CACNA1I: variants seen among roughly 807,000 people sequenced by gnomAD.
The protein encoded by CACNA1I is voltage-dependent T-type calcium channel subunit alpha-1I.
Under a neutral mutation model 201.6 loss-of-function variants are expected in CACNA1I, and 74 were observed. The ratio of observed to expected loss-of-function variants is 0.37; its 90% CI spans 0.30 to 0.45. CACNA1I has a LOEUF of 0.45. Ranked by LOEUF, CACNA1I falls within the 20% of genes least tolerant of loss-of-function variation. CACNA1I has a pLI of 1.00. For missense variants in CACNA1I, 2,346 were observed against 3,138.1 expected, an observed-to-expected ratio of 0.75 and a Z score of 6.03; for synonymous variants, 1,431 against 1,345.2, an observed-to-expected ratio of 1.06 and a Z score of -1.40.
At chr22:39,594,755 G>A (rs921101199) in intron 1 of CACNA1I, among the ~76,000 whole-genome samples, 129 of 152,014 alleles carry the variant, frequency 8.5e-4, no homozygotes, top group African/African-American at 3.0e-3. Context: ...GAGGGGTGAG[G>A]GGTTTGCTTG....
rs1164503423 is a variant in CACNA1I, at chr22:39,661,311, G to A, written c.2901+1G>A. ...GATGAGCTATGACCAGCGCTCCCTG[G>A]TGAGTCCTTGTGGGGAGCTCTGGAC... On this transcript the variant is annotated splice_donor_variant, in intron 16 of 36. Transcript: ENST00000402142. LOFTEE classifies it high-confidence loss of function. 2.6e-6 allele frequency: 4 copies of A among 1,556,416 alleles called. No individual in the cohort carries two copies. The highest frequency in any genetic ancestry group is 1.8e-4 in the Middle Eastern group (1 of 5,656).
chr22:39,596,981 T>C (rs1335336224), intron 1 of CACNA1I, among the ~76,000 whole-genome samples: 1 of 152,170 alleles, frequency 6.6e-6, no homozygotes, highest in African/African-American at 2.4e-5. Context: ...CATCAGCATC[T>C]CTCCTCTTAC....
chr22:39,592,186 G>A (rs769713725), intron 1 of CACNA1I, among the ~76,000 whole-genome samples: 5 of 152,222 alleles, frequency 3.3e-5, no homozygotes, highest in African/African-American at 9.6e-5. Context: ...TGCCTGCCAA[G>A]GAAACTCGAT....
Position 39,684,157 on chromosome 22 carries a change from G to A in CACNA1I, c.5831-145G>A. 1 of 655,520 alleles carries A rather than the reference G, an allele frequency of 1.5e-6. No homozygotes were observed. The highest frequency in any genetic ancestry group is 2.7e-6 in the Non-Finnish European group (1 of 376,212). The allele number at this position is 655,520 out of a possible 1,614,324, so 40.6% of individuals were successfully genotyped here. A position where few individuals can be genotyped will look rare whatever the true frequency, so the allele number is the denominator to read the frequency against. On this transcript the variant is annotated intron_variant, in intron 35 of 36. Transcript: ENST00000402142. The surrounding 1 kb of genome is among the most constrained non-coding windows in gnomAD (Gnocchi z 4.6). ...ATGGGGAAACGAAGGCTTAGAGAGG[G>A]GGGACTTGTCCACAGTCTCACAGTC...
intron 3 of CACNA1I, among the ~76,000 whole-genome samples, chr22:39,601,847 C>CTCCCTCCT (rs1933042624): frequency 7.8e-6 from 1 of 128,306 alleles, no homozygotes; most frequent in Non-Finnish European, 1.6e-5. Context: ...CCCTCCCTCC[C>CTCCCTCCT]TCCCTCCCTC....
chr22:39,661,987 A>G lies in CACNA1I; in HGVS notation c.2924A>G (p.Tyr975Cys). The G allele has an allele frequency of 6.4e-7, 1 of 1,554,362 alleles. No individual in the cohort carries two copies. Among genetic ancestry groups the G allele is most frequent in the Non-Finnish European group, 8.7e-7 (1 of 1,155,644 alleles). The change falls in exon 17 of 37, where the codon TAC (tyrosine) becomes TGC (cysteine). Residue 975 changes from tyrosine (Y) to cysteine (C), a missense_variant. Coordinates refer to ENST00000402142, the MANE Select transcript of CACNA1I (RefSeq NM_021096.4). ...RSLSSSRSSY[Y>C]GPWGRSAAWA... ...CAGTCCAGCTCCCGGAGCTCCTACT[A>G]CGGGCCATGGGGCCGCAGCGCGGCC...
intron 3 of CACNA1I, among the ~76,000 whole-genome samples, chr22:39,613,451 G>T (rs1274804468): frequency 6.6e-6 from 1 of 152,206 alleles, no homozygotes; most frequent in African/African-American, 2.4e-5. Context: ...GTGAGCTGAG[G>T]TAACAGTTGA....
chr22:39,649,175 G>T lies in CACNA1I; in HGVS notation c.1568-326G>T, dbSNP rs578073770. ...TGGGGCTCTGGGTCTGTTCCATGCT[G>T]ACCCAGGGCCTAGGCCAGGAGGGAT... On this transcript the variant is annotated intron_variant, in intron 9 of 36. Transcript: ENST00000402142. The surrounding 1 kb of genome is among the most constrained non-coding windows in gnomAD (Gnocchi z 7.3). Among the ~76,000 whole-genome samples the T allele has an allele frequency of 3.3e-4, 50 of 152,342 alleles. 1 individual carries two copies. The South Asian group carries it at 9.9e-3, about 30-fold the overall frequency.
At chr22:39,582,904 C>T (rs1157872978) in intron 1 of CACNA1I, among the ~76,000 whole-genome samples, 1 of 150,942 alleles carries the variant, frequency 6.6e-6, no homozygotes, top group African/African-American at 2.4e-5. Flanking sequence ...ATCTATCTAA[C>T]CATCCATTCA....
At chr22:39,650,131 C>T (rs1300336427) in intron 10 of CACNA1I, among the ~76,000 whole-genome samples, 1 of 151,946 alleles carries the variant, frequency 6.6e-6, no homozygotes, top group East Asian at 1.9e-4. Context: ...TGGGTGTCTG[C>T]CGAATGAATG....
In CACNA1I at chr22:39,645,449, G is replaced by A. The variant is rs182967831; in HGVS notation, c.1150-1120G>A. Among the ~76,000 whole-genome samples, 430 of 152,282 alleles carry A rather than the reference G, an allele frequency of 2.8e-3. 1 individual carries two copies. Among genetic ancestry groups the A allele is most frequent in the Non-Finnish European group, 5.2e-3 (355 of 68,018 alleles). On this transcript the variant is annotated intron_variant, in intron 7 of 36. Coordinates refer to ENST00000402142, the MANE Select transcript of CACNA1I (RefSeq NM_021096.4). The stretch of plus-strand genomic sequence containing the variant: ...GCCTGACAAGCGTGTGGTCCCAGAG[G>A]GCAGGGCCCAGCTGTCTCTTCCTGT...
At chr22:39,626,331 G>T (rs1179788620) in intron 4 of CACNA1I, among the ~76,000 whole-genome samples, 3 of 152,222 alleles carry the variant, frequency 2.0e-5, no homozygotes, top group Non-Finnish European at 2.9e-5. Context: ...TACGCGATCC[G>T]CAGGTGCTGC....
intron 3 of CACNA1I, among the ~76,000 whole-genome samples, chr22:39,602,006 T>C (rs192159450): frequency 7.1e-3 from 24 of 3,386 alleles, no homozygotes; most frequent in African/African-American, 8.4e-3. Context: ...CCTTCCCTCC[T>C]TCCTTCCTTC....
chr22:39,597,361 A>G (rs1932914805), intron 1 of CACNA1I, among the ~76,000 whole-genome samples: 6 of 151,906 alleles, frequency 3.9e-5, no homozygotes. Flanking sequence ...TTGGCCTGGG[A>G]GGGAGGGAGG....
chr22:39,676,894 G>A lies in CACNA1I; in HGVS notation c.4855-447G>A, dbSNP rs1935527855. On this transcript the variant is annotated intron_variant, in intron 29 of 36. Coordinates refer to ENST00000402142, the MANE Select transcript of CACNA1I (RefSeq NM_021096.4). The surrounding 1 kb of genome is among the most constrained non-coding windows in gnomAD (Gnocchi z 4.8). ...CATTCAACCTTGGTAGCCACTCAAG[G>A]CGTGTAGCATAGATTGTGTGCATGG... Among the ~76,000 whole-genome samples the A allele has an allele frequency of 1.3e-5, 2 of 152,194 alleles. No homozygotes were observed. The highest frequency in any genetic ancestry group is 4.1e-4 in the South Asian group (2 of 4,834).
In CACNA1I at chr22:39,649,520, C is replaced by T. The variant is rs778054426; in HGVS notation, c.1587C>T (p.Ser529=). The change falls in exon 10 of 37, where the codon AGC becomes AGT. Residue 529 remains serine (S), a synonymous_variant. Coordinates refer to ENST00000402142, the MANE Select transcript of CACNA1I (RefSeq NM_021096.4). This position sits in a 1 kb window ranked among gnomAD's most constrained non-coding sequence, Gnocchi z 7.3. The part of the protein sequence containing the change: ...HSGRELCPQH[S]PLDATPHTLV... Reference sequence around the variant, plus strand: ...TTTCAGAGCTGTGCCCGCAACATAGCCCCCTGGATGCGACGCCCCACACCC... The same window carrying T: ...TTTCAGAGCTGTGCCCGCAACATAGTCCCCTGGATGCGACGCCCCACACCC... 4 of 1,562,172 alleles carry T rather than the reference C, an allele frequency of 2.6e-6. No individual in the cohort carries two copies. The highest frequency in any genetic ancestry group is 2.4e-5 in the East Asian group (1 of 42,174).
intron 1 of CACNA1I, 95 bp from the exon 2 acceptor site, chr22:39,598,056 G>T: frequency 1.4e-6 from 1 of 700,052 alleles, no homozygotes; most frequent in Non-Finnish European, 2.6e-6. Flanking sequence ...GTGTATGCCT[G>T]TGTGTGTGGT....
chr22:39,652,654 C>T (rs773146092), intron 10 of CACNA1I, among the ~76,000 whole-genome samples: 8 of 152,184 alleles, frequency 5.3e-5, no homozygotes, highest in Admixed American at 1.3e-4. Context: ...CCTGTAATCC[C>T]AGCACTTTGG....
At chr22:39,641,292 C>CAGCAAGCTGGG in intron 6 of CACNA1I, 110 bp downstream of exon 6, 1 of 885,052 alleles carries the variant, frequency 1.1e-6, no homozygotes, top group Non-Finnish European at 1.7e-6. Context: ...TGAAACCTGC[C>CAGCAAGCTGGG]CAGCTTGCTG....
Sources: allele counts gnomAD v4.1 joint callset (sites outside exome capture counted in the v4.1 genomes callset), GRCh38; gene constraint gnomAD v4.1.1; non-coding constraint Gnocchi (gnomAD v3.1); transcripts MANE v1.5; gene names NCBI Gene and HGNC (gene_info 2026-07-23, HGNC 2026-07-21).